SLC10A7: variants seen among roughly 807,000 people sequenced by gnomAD.
SLC10A7 encodes sodium/bile acid cotransporter 7.
SLC10A7 carries 29 observed loss-of-function variants against 43.2 expected under a neutral mutation model. That is an observed-to-expected ratio of 0.67 (90% confidence interval 0.50 to 0.92). SLC10A7 has a LOEUF of 0.92. Among genes scored for constraint, SLC10A7 ranks in the 40% least tolerant of loss-of-function variants. The pLI is 0.00. For synonymous variants in SLC10A7, 152 were observed against 144.8 expected, an observed-to-expected ratio of 1.05 and a Z score of -0.35; for missense variants, 295 against 403.2, an observed-to-expected ratio of 0.73 and a Z score of 2.30.
intron 4 of SLC10A7, among the ~76,000 whole-genome samples, chr4:146,443,376 G>A (rs990464706): frequency 4.6e-5 from 7 of 152,068 alleles, no homozygotes; most frequent in Admixed American, 4.6e-4. Flanking sequence ...AGCAAGAAAA[G>A]CTCCAATTTG....
intron 5 of SLC10A7, among the ~76,000 whole-genome samples, chr4:146,391,296 G>A (rs993661438): frequency 2.6e-5 from 4 of 152,146 alleles, no homozygotes; most frequent in African/African-American, 7.2e-5. Flanking sequence ...CTGCAAATGT[G>A]TTAAGAGGAA....
At chr4:146,389,431 C>G (rs1738258047) in intron 5 of SLC10A7, among the ~76,000 whole-genome samples, 1 of 152,144 alleles carries the variant, frequency 6.6e-6, no homozygotes, top group Non-Finnish European at 1.5e-5. Flanking sequence ...TCATCAGAAT[C>G]CAACCATCTT....
At position 146,379,796 on chromosome 4, in the gene SLC10A7, A is replaced by C. The variant is rs571634868; in HGVS notation, c.436-53800T>G. Among the ~76,000 whole-genome samples the C allele has an allele frequency of 1.1e-4, 16 of 152,324 alleles. No individual in the cohort carries two copies. In the East Asian group the frequency reaches 2.9e-3, roughly 27 times the overall value. On this transcript the variant is annotated intron_variant, in intron 5 of 11. Coordinates refer to ENST00000335472, the MANE Select transcript of SLC10A7 (RefSeq NM_001029998.6). The stretch of plus-strand genomic sequence containing the variant: ...TTTCTAGATCATCCCACTATTGAGT[A>C]TTATATCAGATATATTATTCCTAGC...
At chr4:146,438,396 A>G (rs548235114) in intron 5 of SLC10A7, among the ~76,000 whole-genome samples, 2 of 152,230 alleles carry the variant, frequency 1.3e-5, no homozygotes, top group African/African-American at 4.8e-5. Context: ...AGATTTAGAA[A>G]GTAATCAGTG....
chr4:146,408,138 A>T (rs1221853937), intron 5 of SLC10A7, among the ~76,000 whole-genome samples: 1 of 152,198 alleles, frequency 6.6e-6, no homozygotes, highest in African/African-American at 2.4e-5. Flanking sequence ...GACAGAAATA[A>T]CAGGATAGCA....
chr4:146,479,890 C>T (rs911252308), intron 4 of SLC10A7, among the ~76,000 whole-genome samples: 3 of 152,094 alleles, frequency 2.0e-5, no homozygotes, highest in African/African-American at 7.2e-5. Flanking sequence ...CATTATACCA[C>T]ATGTTAATGT....
At chr4:146,426,747 C>A (rs1001395149) in intron 5 of SLC10A7, among the ~76,000 whole-genome samples, 2 of 151,948 alleles carry the variant, frequency 1.3e-5, no homozygotes, top group Non-Finnish European at 2.9e-5. Flanking sequence ...TGGTGGTATG[C>A]GCCTGTAACC....
chr4:146,269,229 G>A (rs1261559291), intron 10 of SLC10A7, among the ~76,000 whole-genome samples: 2 of 152,332 alleles, frequency 1.3e-5, no homozygotes, highest in Non-Finnish European at 2.9e-5. Context: ...CTCACCAGGT[G>A]CTGACAATGA....
At chr4:146,513,890 CA>C (rs1450950856) in intron 2 of SLC10A7, 1 of 152,130 alleles carries the variant, frequency 6.6e-6, no homozygotes, top group Non-Finnish European at 1.5e-5. Flanking sequence ...CATGAATAAT[CA>C]AAAAGTTGGC....
At chr4:146,265,701 A>G (rs1728509114) in intron 10 of SLC10A7, among the ~76,000 whole-genome samples, 2 of 152,194 alleles carry the variant, frequency 1.3e-5, no homozygotes, top group African/African-American at 4.8e-5. Flanking sequence ...TGCTAAAGTA[A>G]TGTTTCCTAT....
chr4:146,409,846 C>G (rs903514928), intron 5 of SLC10A7, among the ~76,000 whole-genome samples: 1 of 152,084 alleles, frequency 6.6e-6, no homozygotes, highest in African/African-American at 2.4e-5. Context: ...AATTTCATAA[C>G]TGAGTTAGCA....
At chr4:146,362,052 A>C (rs763901559) in intron 5 of SLC10A7, among the ~76,000 whole-genome samples, 9 of 152,170 alleles carry the variant, frequency 5.9e-5, no homozygotes, top group Non-Finnish European at 1.0e-4. Flanking sequence ...AAAAGGAAAA[A>C]TAAAAAAGAA....
Position 146,436,998 on chromosome 4 carries a change from G to C in SLC10A7, c.435+5785C>G, listed in dbSNP as rs138274658. The stretch of plus-strand genomic sequence containing the variant: ...AAGCTATAATGATGTCTGAATGCTG[G>C]AAAGCACTGCATTGAAGACAGTCCT... On this transcript the variant is annotated intron_variant, in intron 5 of 11. Coordinates refer to ENST00000335472, the MANE Select transcript of SLC10A7 (RefSeq NM_001029998.6). Among the ~76,000 whole-genome samples the C allele has an allele frequency of 3.9e-3, 586 of 152,196 alleles. 3 individuals carry two copies. The highest frequency in any genetic ancestry group is 0.014 in the African/African-American group (566 of 41,556).
At chr4:146,283,069 C>T (rs1729651135) in intron 10 of SLC10A7, 123 bp downstream of exon 10, 2 of 708,934 alleles carry the variant, frequency 2.8e-6, no homozygotes, top group Non-Finnish European at 4.7e-6. Flanking sequence ...TGCTACTGTT[C>T]CTTATCTAAT....
At chr4:146,374,766 TAACA>T (rs1204442543) in intron 5 of SLC10A7, among the ~76,000 whole-genome samples, 1 of 152,084 alleles carries the variant, frequency 6.6e-6, no homozygotes, top group African/African-American at 2.4e-5. Context: ...GAAATTACTT[TAACA>T]TAGTATTTAA....
chr4:146,464,574 C>T (rs1732835188), intron 4 of SLC10A7, among the ~76,000 whole-genome samples: 1 of 151,668 alleles, frequency 6.6e-6, no homozygotes, highest in Non-Finnish European at 1.5e-5. Flanking sequence ...AGTAAATGAA[C>T]AGTAAGCCTT....
intron 4 of SLC10A7, among the ~76,000 whole-genome samples, chr4:146,448,189 C>T (rs1296269498): frequency 6.6e-6 from 1 of 151,108 alleles, no homozygotes; most frequent in Non-Finnish European, 1.5e-5. Flanking sequence ...GCACATTGTG[C>T]ACATGTACCC....
At chr4:146,315,082 T>C (rs1323042595) in intron 6 of SLC10A7, among the ~76,000 whole-genome samples, 1 of 152,084 alleles carries the variant, frequency 6.6e-6, no homozygotes, top group Non-Finnish European at 1.5e-5. Context: ...GGAGAAAGTA[T>C]AAGTTAACTA....
chr4:146,412,205 G>C (rs1228953965), intron 5 of SLC10A7, among the ~76,000 whole-genome samples: 1 of 151,966 alleles, frequency 6.6e-6, no homozygotes, highest in Non-Finnish European at 1.5e-5. Context: ...AAAGATATGG[G>C]GAGTAATTCA....
Sources: gnomAD v4.1 joint callset for allele counts (sites outside exome capture counted in the v4.1 genomes callset) on GRCh38, gnomAD v4.1.1 for gene constraint, MANE v1.5 for transcripts, NCBI Gene and HGNC (gene_info 2026-07-23, HGNC 2026-07-21) for gene names.